Variants in ECD observed in about 807,000 individuals in gnomAD.
ECD encodes the protein ecdysoneless cell cycle regulator.
Under a neutral mutation model 77.2 loss-of-function variants are expected in ECD, and 59 were observed. That is an observed-to-expected ratio of 0.76 (90% CI 0.62 to 0.95). The LOEUF (loss-of-function observed/expected upper bound fraction) is 0.95, where lower values mean the gene tolerates loss of function less well. Among genes scored for constraint, ECD ranks in the 40% least tolerant of loss-of-function variants. The pLI, the probability that ECD is intolerant of heterozygous loss-of-function variation, is 0.00. For synonymous variants in ECD, 233 were observed against 267.4 expected, an observed-to-expected ratio of 0.87 and a Z score of 1.26; for missense variants, 704 against 763.4, an observed-to-expected ratio of 0.92 and a Z score of 0.92.
intron 3 of ECD, among the ~76,000 whole-genome samples, chr10:73,158,402 C>G (rs1052007150): frequency 3.3e-5 from 5 of 151,952 alleles, no homozygotes; most frequent in Non-Finnish European, 5.9e-5. Context: ...TTCAAGACAA[C>G]ATGTTATACA....
chr10:73,152,560 T>C (rs1843227590), intron 6 of ECD, 139 bp from the exon 7 acceptor site: 4 of 971,138 alleles, frequency 4.1e-6, no homozygotes, highest in Non-Finnish European at 4.4e-6. Context: ...AACCTATTCA[T>C]TGCCTACTTG....
At chr10:73,136,320 T>C (rs999193830) in intron 13 of ECD, among the ~76,000 whole-genome samples, 1 of 152,244 alleles carries the variant, frequency 6.6e-6, no homozygotes, top group African/African-American at 2.4e-5. Flanking sequence ...TAATCCACTG[T>C]GGCCCAAGGC....
At chr10:73,151,411 A>C (rs1333276829) in intron 7 of ECD, among the ~76,000 whole-genome samples, 1 of 151,556 alleles carries the variant, frequency 6.6e-6, no homozygotes, top group Non-Finnish European at 1.5e-5. Flanking sequence ...CAGCATTAGG[A>C]GATATATCTA....
chr10:73,134,325 C>A lies in ECD; in HGVS notation c.*258G>T. ...ATATTGTGGTAGGGTATGTCTTTAG[C>A]ATGAAGTGTGTGAATTTCATCTCAA... On this transcript the variant is annotated 3_prime_UTR_variant, in exon 14 of 14. Coordinates refer to ENST00000372979, the MANE Select transcript of ECD (RefSeq NM_007265.3). 1 of 444,204 alleles carries A rather than the reference C, an allele frequency of 2.3e-6. No individual in the cohort carries two copies. Among genetic ancestry groups the A allele is most frequent in the Non-Finnish European group, 4.1e-6 (1 of 246,458 alleles). 27.5% of individuals were successfully genotyped at this position (444,204 alleles called of 1,614,324 possible). A position where few individuals can be genotyped will look rare whatever the true frequency, so the allele number is the denominator to read the frequency against.
At chr10:73,137,935 C>G in intron 12 of ECD, 68 bp downstream of exon 12, 3 of 1,251,908 alleles carry the variant, frequency 2.4e-6, no homozygotes, top group Non-Finnish European at 2.2e-6. Context: ...TCTCATAAAC[C>G]AATGCTCTAG....
At chr10:73,138,732 A>G (rs1223280733) in intron 11 of ECD, among the ~76,000 whole-genome samples, 1 of 152,032 alleles carries the variant, frequency 6.6e-6, no homozygotes, top group Non-Finnish European at 1.5e-5. Flanking sequence ...ATACCCGGCT[A>G]ATTTTTGTAT....
At position 73,143,832 on chromosome 10, in the gene ECD, CT is replaced by C. The variant is rs541608935; in HGVS notation, c.1127+2443del. ...CATTACTGTACGTATTTATAACTTG[CT>C]TTTTTTTTTTTTTTCACTGCATTAT... On this transcript the variant is annotated intron_variant, in intron 9 of 13. Transcript: ENST00000372979. Among the ~76,000 whole-genome samples, 870 of 106,618 alleles carry C rather than the reference CT, an allele frequency of 8.2e-3. 9 individuals carry two copies. The highest frequency in any genetic ancestry group is 0.045 in the East Asian group (165 of 3,676). The allele number at this position is 106,618 out of a possible 152,430, so 69.9% of individuals were successfully genotyped here.
rs1842955501 is a variant in ECD, at chr10:73,134,594, T to C, written c.1924A>G (p.Thr642Ala). 1 of 1,613,092 alleles carries C rather than the reference T, an allele frequency of 6.2e-7. No homozygotes were observed. Among genetic ancestry groups the C allele is most frequent in the South Asian group, 1.1e-5 (1 of 90,958 alleles). The change falls in exon 14 of 14, where the codon ACA becomes GCA. Residue 642 changes from threonine (T) to alanine (A), a missense_variant. Around this residue, in one of 3 missense-constraint regions of ECD, gnomAD observed 142 missense variants for 163.6 expected, o/e 0.87. Transcript: ENST00000372979. Reference protein sequence around the residue: ...NTDHRPTSKPTKN With the variant: ...NTDHRPTSKPAKN ...GCTAAATGTGCTGGTTAATTTTTTG[T>C]TGGCTTACTTGTTGGTCTGTGATCG... is the stretch of plus-strand genomic sequence containing the variant.
In ECD at chr10:73,154,269, C is replaced by T. The variant is rs758941381; in HGVS notation, c.770G>A (p.Arg257Gln). The T allele has an allele frequency of 1.7e-5, 27 of 1,602,844 alleles. No individual in the cohort carries two copies. Among genetic ancestry groups the T allele is most frequent in the Non-Finnish European group, 2.0e-5 (24 of 1,174,732 alleles). The change falls in exon 6 of 14, where the codon CGA becomes CAA. Residue 257 changes from arginine to glutamine, a missense_variant. Arg to Gln is a conservative substitution (Grantham distance 43). Coordinates refer to ENST00000372979, the MANE Select transcript of ECD (RefSeq NM_007265.3). ...RVFKTFLPET[R>Q]IMTSVTFTKC... ...TAGAAATCTCACCGATGTCATTATT[C>T]GTGTTTCAGGCAAGAATGTCTTGAA... is the stretch of plus-strand genomic sequence containing the variant.
chr10:73,134,444 T>G lies in ECD; in HGVS notation c.*139A>C. ...AAAGACTTGTGCCAAGAGGGCCACA[T>G]TTGGGGCTCATGGAGAAGTCAATCT... On this transcript the variant is annotated 3_prime_UTR_variant, in exon 14 of 14. Coordinates refer to ENST00000372979, the MANE Select transcript of ECD (RefSeq NM_007265.3). 3.7e-6 allele frequency: 3 copies of G among 814,944 alleles called. No homozygotes were observed. The highest frequency in any genetic ancestry group is 5.7e-6 in the Non-Finnish European group (3 of 527,216). 50.5% of individuals were successfully genotyped at this position (814,944 alleles called of 1,614,324 possible).
chr10:73,134,561 A>C lies in ECD; in HGVS notation c.*22T>G, dbSNP rs1347381785. 6.3e-7 allele frequency: 1 copy of C among 1,587,504 alleles called. No homozygotes were observed. On this transcript the variant is annotated 3_prime_UTR_variant, in exon 14 of 14. Transcript: ENST00000372979. ...TATTCAATATTTATTTAAAAAGAAA[A>C]AAGAGAAGCTAAATGTGCTGGTTAA...
intron 7 of ECD, among the ~76,000 whole-genome samples, chr10:73,149,161 T>G (rs1284091472): frequency 6.6e-6 from 1 of 152,214 alleles, no homozygotes; most frequent in Non-Finnish European, 1.5e-5. Context: ...TTAAGTAGTT[T>G]CCAGTCTCCT....
Position 73,154,368 on chromosome 10 carries a change from CGCTGCTTTAGCACTGCCACAATGCCA to C in ECD, c.645_670del (p.Gly216ProfsTer18). On this transcript the variant is annotated frameshift_variant, in exon 6 of 14. Transcript: ENST00000372979. LOFTEE classifies it high-confidence loss of function. ...GACTGCTGCAGCCACCAATCTGGGG[CGCTGCTTTAGCACTGCCACAATGCCA>C]GCTGGAAGGAAGCAGTGTGCTCGAT... The C allele has an allele frequency of 6.2e-7, 1 of 1,614,046 alleles. No individual in the cohort carries two copies. The highest frequency in any genetic ancestry group is 8.5e-7 in the Non-Finnish European group (1 of 1,180,010).
At chr10:73,161,125 T>A (rs1410187614) in intron 2 of ECD, among the ~76,000 whole-genome samples, 1 of 151,960 alleles carries the variant, frequency 6.6e-6, no homozygotes, top group African/African-American at 2.4e-5. Context: ...AAAAGGAAGT[T>A]TGTAGTTGTG....
At chr10:73,137,718 G>A (rs1353848788) in intron 12 of ECD, among the ~76,000 whole-genome samples, 1 of 151,594 alleles carries the variant, frequency 6.6e-6, no homozygotes, top group Non-Finnish European at 1.5e-5. Context: ...GGAGCTTGCA[G>A]TGAGCCGAGA....
At chr10:73,163,611 T>C in intron 2 of ECD, 122 bp downstream of exon 2, 1 of 896,796 alleles carries the variant, frequency 1.1e-6, no homozygotes, top group Non-Finnish European at 1.7e-6. Context: ...ATTACTCATC[T>C]AAAAAGTTTA....
chr10:73,159,673 C>T (rs1843349371), intron 3 of ECD, among the ~76,000 whole-genome samples: 4 of 107,498 alleles, frequency 3.7e-5, no homozygotes, highest in Admixed American at 1.0e-4. Flanking sequence ...GAGACAGTTT[C>T]ACTCTTGTTG....
At chr10:73,154,737 A>G (rs577518007) in intron 5 of ECD, among the ~76,000 whole-genome samples, 8 of 152,218 alleles carry the variant, frequency 5.3e-5, no homozygotes, top group Admixed American at 5.2e-4. Context: ...GATTGAGGCC[A>G]TCCTGGCTAA....
At position 73,154,382 on chromosome 10, in the gene ECD, T is replaced by A; in HGVS notation, c.657A>T (p.Ala219=). 1 of 1,614,064 alleles carries A rather than the reference T, an allele frequency of 6.2e-7. No homozygotes were observed. Among genetic ancestry groups the A allele is most frequent in the Non-Finnish European group, 8.5e-7 (1 of 1,179,998 alleles). ...CCAATCTGGGGCGCTGCTTTAGCAC[T>A]GCCACAATGCCAGCTGGAAGGAAGC... ...AHCFLPAGIV[A]VLKQRPRLVA... is the part of the protein sequence containing the mutation. Residue 219 remains alanine (A), a synonymous_variant, in exon 6 of 14, where the codon GCA becomes GCT. Coordinates refer to ENST00000372979, the MANE Select transcript of ECD (RefSeq NM_007265.3).
Sources: allele counts gnomAD v4.1 joint callset (sites outside exome capture counted in the v4.1 genomes callset), GRCh38; gene constraint gnomAD v4.1.1; regional missense constraint gnomAD v4.1.1; transcripts MANE v1.5; gene names NCBI Gene and HGNC (gene_info 2026-07-23, HGNC 2026-07-21).